MYLK: variants seen among roughly 807,000 people sequenced by gnomAD.
MYLK encodes the protein myosin light chain kinase.
Under a neutral mutation model 203.4 loss-of-function variants are expected in MYLK, and 106 were observed. The ratio of observed to expected loss-of-function variants is 0.52; its 90% confidence interval spans 0.45 to 0.61. MYLK has a LOEUF of 0.61. Among genes scored for constraint, MYLK ranks in the 20% least tolerant of loss-of-function variants. The pLI is 0.00. For missense variants in MYLK, 2,072 were observed against 2,442.3 expected (o/e 0.85, Z 3.20); for synonymous variants, 867 against 959.5 (o/e 0.90, Z 1.78).
chr3:123,667,474 T>C (rs954212469), intron 20 of MYLK, among the ~76,000 whole-genome samples: 15 of 151,968 alleles, frequency 9.9e-5, no homozygotes, highest in Middle Eastern at 3.2e-3. Flanking sequence ...CATGGTGGTG[T>C]GCACCTGTAA....
At chr3:123,710,584 T>C (rs999863102) in intron 13 of MYLK, among the ~76,000 whole-genome samples, 3 of 152,182 alleles carry the variant, frequency 2.0e-5, no homozygotes, top group Admixed American at 1.3e-4. Flanking sequence ...ATCCCAGGAA[T>C]TGGTCTTGAC....
rs780152376 is a variant in MYLK at position 123,733,022 on chromosome 3, A to C, written c.1390T>G (p.Tyr464Asp). The C allele has an allele frequency of 1.7e-5, 27 of 1,614,014 alleles. No homozygotes were observed. The South Asian group carries it at 2.5e-4, about 15-fold the overall frequency. ...VRRQEGSIEVYEDAGSHYLCL... is the reference protein window; with the variant it reads ...VRRQEGSIEVDEDAGSHYLCL... Reference sequence around the variant, plus strand: ...AGGTAATGGGAGCCAGCATCTTCATAAACCTCAATGCTGCCTTCCTGTCTC... The same window carrying C: ...AGGTAATGGGAGCCAGCATCTTCATCAACCTCAATGCTGCCTTCCTGTCTC... The change falls in exon 11 of 34, where the codon TAT becomes GAT. Residue 464 changes from tyrosine (Y) to aspartate (D), a missense_variant. Around this residue, in one of 3 missense-constraint regions of MYLK, gnomAD observed 683 missense variants for 643.8 expected, o/e 1.06. Coordinates refer to ENST00000360304, the MANE Select transcript of MYLK (RefSeq NM_053025.4).
intron 3 of MYLK, among the ~76,000 whole-genome samples, chr3:123,828,660 T>C (rs58368501): frequency 0.032 from 4,914 of 151,966 alleles, 254 homozygotes; most frequent in African/African-American, 0.11. Context: ...ATAAAACAAA[T>C]AGTGAAAAAA....
chr3:123,671,573 T>C (rs1212244541), intron 20 of MYLK, among the ~76,000 whole-genome samples: 1 of 152,114 alleles, frequency 6.6e-6, no homozygotes, highest in Non-Finnish European at 1.5e-5. Flanking sequence ...CCAGGTTCCA[T>C]GGGACAGCAT....
chr3:123,709,837 T>C lies in MYLK; in HGVS notation c.1861A>G (p.Thr621Ala), dbSNP rs1198430684. 6.2e-7 allele frequency: 1 copy of C among 1,614,080 alleles called. No homozygotes were observed. The highest frequency in any genetic ancestry group is 8.5e-7 in the Non-Finnish European group (1 of 1,180,052). Residue 621 changes from threonine (T) to alanine (A), a missense_variant, in exon 14 of 34, where the codon ACT (threonine) becomes GCT (alanine). By Grantham distance (58) the Thr-to-Ala change is moderately conservative (BLOSUM62 0). This residue lies in a region of MYLK where 865 missense variants were observed against 1,016.0 expected (regional missense o/e 0.85). Transcript: ENST00000360304. Reference protein sequence around the residue: ...YLLPVAPSKPTAPIFLQGLSD... With the variant: ...YLLPVAPSKPAAPIFLQGLSD... The stretch of plus-strand genomic sequence containing the variant: ...AGGCCCTGCAGGAAGATGGGTGCAG[T>C]GGGCTTGCTGGGAGCCACAGGCAGA...
intron 4 of MYLK, among the ~76,000 whole-genome samples, chr3:123,761,268 C>T (rs1402014144): frequency 6.6e-6 from 1 of 152,218 alleles, no homozygotes; most frequent in East Asian, 1.9e-4. Flanking sequence ...CAAAAGTGAC[C>T]TGAGGGTCTC....
chr3:123,863,368 CA>C (rs35039876), intron 2 of MYLK, among the ~76,000 whole-genome samples: 1,471 of 29,896 alleles, frequency 0.049, 7 homozygotes, highest in Middle Eastern at 0.088. Flanking sequence ...ATAGCCTTGC[CA>C]AAAAAAAAAA....
Position 123,806,260 on chromosome 3 carries a change from T to C in MYLK, c.-3-12416A>G, listed in dbSNP as rs115012519. Among the ~76,000 whole-genome samples the C allele has an allele frequency of 8.0e-3, 1,213 of 152,286 alleles. 18 individuals are homozygous for C. Among genetic ancestry groups the C allele is most frequent in the African/African-American group, 0.027 (1,141 of 41,558 alleles). Reference sequence around the variant, plus strand: ...AGAGAACCTAAATCATGTAGTCCGCTCCCTTATTTTATGGATGAGGAAACT... The same window carrying C: ...AGAGAACCTAAATCATGTAGTCCGCCCCCTTATTTTATGGATGAGGAAACT... On this transcript the variant is annotated intron_variant, in intron 3 of 33. Transcript: ENST00000360304.
At chr3:123,791,362 C>T (rs889752525) in intron 4 of MYLK, among the ~76,000 whole-genome samples, 2 of 152,222 alleles carry the variant, frequency 1.3e-5, no homozygotes, top group African/African-American at 4.8e-5. Flanking sequence ...CCCTGTTTAA[C>T]TTCGTCTTTG....
At chr3:123,695,946 G>A (rs2060907916) in intron 18 of MYLK, among the ~76,000 whole-genome samples, 1 of 152,120 alleles carries the variant, frequency 6.6e-6, no homozygotes, top group Non-Finnish European at 1.5e-5. Flanking sequence ...AGACTTGGGG[G>A]CAGAGGGCAG....
intron 4 of MYLK, among the ~76,000 whole-genome samples, chr3:123,770,796 G>A (rs1007077342): frequency 1.3e-5 from 2 of 152,218 alleles, no homozygotes; most frequent in African/African-American, 4.8e-5. Context: ...ATGCTATGTA[G>A]TGCCAGAGGA....
At chr3:123,836,662 T>C (rs936463601) in intron 2 of MYLK, among the ~76,000 whole-genome samples, 1 of 152,180 alleles carries the variant, frequency 6.6e-6, no homozygotes, top group Non-Finnish European at 1.5e-5. Context: ...ATTCTCAGTT[T>C]GGAGAACTCT....
At chr3:123,844,850 A>G (rs869236258) in intron 2 of MYLK, among the ~76,000 whole-genome samples, 6 of 129,378 alleles carry the variant, frequency 4.6e-5, no homozygotes, top group Admixed American at 8.3e-5. Context: ...TTTTTTTTAA[A>G]GACAGGATCT....
rs367687961 is a variant in MYLK at position 123,720,031 on chromosome 3, G to A, written c.1804+2097C>T. Among the ~76,000 whole-genome samples the A allele has an allele frequency of 2.8e-3, 419 of 152,092 alleles. 2 individuals are homozygous for A. The highest frequency in any genetic ancestry group is 9.8e-3 in the African/African-American group (407 of 41,576). ...AGCCCAAATGCTGCCGGGCCTGAGCGTGCGGCTGCGTCTTCAGCCTTGTTC... is the reference window on the plus strand; with the variant it reads ...AGCCCAAATGCTGCCGGGCCTGAGCATGCGGCTGCGTCTTCAGCCTTGTTC... On this transcript the variant is annotated intron_variant, in intron 13 of 33. Coordinates refer to ENST00000360304, the MANE Select transcript of MYLK (RefSeq NM_053025.4).
rs1024547150 is a variant in MYLK, at chr3:123,724,904, C to T, written c.1651+1040G>A. 3.3e-5 allele frequency among the ~76,000 whole-genome samples: 5 copies of T among 151,968 alleles called. No homozygotes were observed. In the East Asian group the frequency reaches 5.8e-4, roughly 18 times the overall value. On this transcript the variant is annotated intron_variant, in intron 12 of 33. Coordinates refer to ENST00000360304, the MANE Select transcript of MYLK (RefSeq NM_053025.4). ...GATTACAGGCACCTGGCACCATGTT[C>T]GGCTAAGTTTTGTATTTTTAGTAGA...
intron 2 of MYLK, among the ~76,000 whole-genome samples, chr3:123,876,081 A>C (rs2033134544): frequency 6.6e-6 from 1 of 152,206 alleles, no homozygotes; most frequent in Non-Finnish European, 1.5e-5. Flanking sequence ...GGCACATACA[A>C]AACTGGCCAA....
chr3:123,659,488 CA>C (rs1432856913), intron 23 of MYLK, among the ~76,000 whole-genome samples: 2 of 152,088 alleles, frequency 1.3e-5, no homozygotes. Flanking sequence ...ACTTTAATTC[CA>C]AGTAAAACTC....
chr3:123,829,142 C>G (rs1040497742), intron 3 of MYLK, among the ~76,000 whole-genome samples: 2 of 152,056 alleles, frequency 1.3e-5, no homozygotes, highest in Non-Finnish European at 2.9e-5. Context: ...GTCTGTATCC[C>G]CATGTCTACT....
chr3:123,835,582 G>A (rs1456811145), intron 2 of MYLK, among the ~76,000 whole-genome samples: 2 of 152,134 alleles, frequency 1.3e-5, no homozygotes, highest in Non-Finnish European at 2.9e-5. Flanking sequence ...AGCAAATACA[G>A]TTATATGGTT....
Sources: gnomAD v4.1 joint callset for allele counts (sites outside exome capture counted in the v4.1 genomes callset) on GRCh38, gnomAD v4.1.1 for gene constraint, gnomAD v4.1.1 regional missense constraint, MANE v1.5 for transcripts, NCBI Gene and HGNC (gene_info 2026-07-23, HGNC 2026-07-21) for gene names.